BICC1: variants seen among roughly 807,000 people sequenced by gnomAD.
The protein encoded by BICC1 is BicC family RNA binding protein 1, also known as protein bicaudal C homolog 1.
BICC1 carries 43 observed loss-of-function variants against 111.0 expected under a neutral mutation model. The observed-to-expected ratio is 0.39, with a 90% CI of 0.30 to 0.50. The LOEUF (loss-of-function observed/expected upper bound fraction) is 0.50, where lower values mean the gene tolerates loss of function less well. BICC1 is among the 20% of genes least tolerant of loss of function. The pLI, the probability that BICC1 is intolerant of heterozygous loss-of-function variation, is 0.88. For synonymous variants in BICC1, 467 were observed against 434.4 expected, an observed-to-expected ratio of 1.07 and a Z score of -0.93; for missense variants, 1,091 against 1,203.2, an observed-to-expected ratio of 0.91 and a Z score of 1.38.
At chr10:58,743,018 A>T (rs1841718583) in intron 3 of BICC1, among the ~76,000 whole-genome samples, 1 of 152,212 alleles carries the variant, frequency 6.6e-6, no homozygotes, top group Non-Finnish European at 1.5e-5. Context: ...TAAAATAGTT[A>T]ATGTAAATTC....
intron 2 of BICC1, among the ~76,000 whole-genome samples, chr10:58,700,524 G>A (rs1275599399): frequency 6.6e-6 from 1 of 152,208 alleles, no homozygotes; most frequent in Non-Finnish European, 1.5e-5. Context: ...GGTGCTGTAG[G>A]ATTAAGGTAA....
At chr10:58,517,194 G>C (rs1842265184) in intron 1 of BICC1, among the ~76,000 whole-genome samples, 1 of 152,126 alleles carries the variant, frequency 6.6e-6, no homozygotes, top group African/African-American at 2.4e-5. Flanking sequence ...TGGGACCTGT[G>C]GTGGGGAGGA....
At chr10:58,516,480 C>T (rs1040386827) in intron 1 of BICC1, among the ~76,000 whole-genome samples, 1 of 125,326 alleles carries the variant, frequency 8.0e-6, no homozygotes, top group African/African-American at 3.5e-5. Context: ...AGGGAAATAT[C>T]ACTCTTTTTT....
intron 4 of BICC1, among the ~76,000 whole-genome samples, chr10:58,785,940 T>C (rs1842999697): frequency 6.6e-6 from 1 of 152,134 alleles, no homozygotes; most frequent in African/African-American, 2.4e-5. Context: ...TTTTCTTCGT[T>C]TTTAAAAAAA....
At chr10:58,538,800 T>C (rs1842888358) in intron 1 of BICC1, among the ~76,000 whole-genome samples, 1 of 151,736 alleles carries the variant, frequency 6.6e-6, no homozygotes, top group South Asian at 2.1e-4. Context: ...CAAAGGATGA[T>C]TTGCAAATGG....
At chr10:58,628,788 A>T (rs1837708346) in intron 2 of BICC1, among the ~76,000 whole-genome samples, 1 of 152,202 alleles carries the variant, frequency 6.6e-6, no homozygotes, top group Non-Finnish European at 1.5e-5. Context: ...TGAAGAATCG[A>T]CATTACTTGT....
At chr10:58,658,244 T>C (rs1164533827) in intron 2 of BICC1, among the ~76,000 whole-genome samples, 1 of 152,126 alleles carries the variant, frequency 6.6e-6, no homozygotes, top group Admixed American at 6.5e-5. Flanking sequence ...CTGGAGTGCA[T>C]TGGTGTGATC....
intron 3 of BICC1, among the ~76,000 whole-genome samples, chr10:58,750,080 G>A (rs10826232): frequency 0.62 from 93,656 of 151,992 alleles, 30,491 homozygotes; most frequent in East Asian, 0.9. Context: ...ATCTAGAGCA[G>A]TGTGAGGATA....
chr10:58,632,523 T>C (rs1837251185), intron 2 of BICC1, among the ~76,000 whole-genome samples: 1 of 151,724 alleles, frequency 6.6e-6, no homozygotes, highest in African/African-American at 2.4e-5. Flanking sequence ...TTTTTTCCCC[T>C]ATTCTGAGGA....
At position 58,689,043 on chromosome 10, in the gene BICC1, C is replaced by A. The variant is rs575539363; in HGVS notation, c.238-13031C>A. Among the ~76,000 whole-genome samples, 56 of 152,100 alleles carry A rather than the reference C, an allele frequency of 3.7e-4. 1 individual carries two copies. The Middle Eastern group carries it at 0.014, about 37-fold the overall frequency. On this transcript the variant is annotated intron_variant, in intron 2 of 20. Coordinates refer to ENST00000373886, the MANE Select transcript of BICC1 (RefSeq NM_001080512.3). The stretch of plus-strand genomic sequence containing the variant: ...TAAAGTATAATAACAACAACAACAA[C>A]AAAAAACAAGAAAACATGTATTAAG...
intron 2 of BICC1, among the ~76,000 whole-genome samples, chr10:58,634,817 A>T (rs528467346): frequency 2.0e-5 from 3 of 152,236 alleles, no homozygotes; most frequent in Non-Finnish European, 4.4e-5. Flanking sequence ...TATGTTATAT[A>T]TATGGTATAA....
chr10:58,538,855 A>G (rs943144782), intron 1 of BICC1, among the ~76,000 whole-genome samples: 26 of 152,002 alleles, frequency 1.7e-4, no homozygotes, highest in Non-Finnish European at 1.5e-4. Context: ...TCATCAGGGA[A>G]ATGCAAGTTA....
chr10:58,631,937 G>A (rs550431553), intron 2 of BICC1, among the ~76,000 whole-genome samples: 2 of 152,294 alleles, frequency 1.3e-5, no homozygotes, highest in Admixed American at 1.3e-4. Flanking sequence ...AATGATTCAT[G>A]TGTAAATCAG....
chr10:58,681,711 G>T (rs976982445), intron 2 of BICC1, among the ~76,000 whole-genome samples: 1 of 152,088 alleles, frequency 6.6e-6, no homozygotes. Flanking sequence ...GACCCTCGCG[G>T]TGAGTGTTTC....
intron 3 of BICC1, chr10:58,715,467 C>A: frequency 1.3e-6 from 1 of 760,224 alleles, no homozygotes; most frequent in Non-Finnish European, 2.3e-6. Context: ...AGTGGGGAGG[C>A]GGCAAGAGGA....
chr10:58,742,140 AAAGTAGGCAGTTTGAAAAC>A (rs1161308206), intron 3 of BICC1, among the ~76,000 whole-genome samples: 1 of 123,070 alleles, frequency 8.1e-6, no homozygotes, highest in Non-Finnish European at 1.7e-5. Flanking sequence ...TGAAACTGCC[AAAGTAGGCAGTTTGAAAAC>A]TTGTTTTTTT....
intron 2 of BICC1, among the ~76,000 whole-genome samples, chr10:58,677,334 T>C (rs1839376949): frequency 6.6e-6 from 1 of 152,128 alleles, no homozygotes; most frequent in African/African-American, 2.4e-5. Context: ...CTAACTAAAA[T>C]AATCAGTTTA....
Position 58,800,183 on chromosome 10 carries a change from T to G in BICC1, c.1726-11T>G. 6.4e-7 allele frequency: 1 copy of G among 1,563,846 alleles called. No homozygotes were observed. Among genetic ancestry groups the G allele is most frequent in the South Asian group, 1.1e-5 (1 of 87,682 alleles). On this transcript the variant is annotated splice_polypyrimidine_tract_variant and intron_variant, in intron 12 of 20. Coordinates refer to ENST00000373886, the MANE Select transcript of BICC1 (RefSeq NM_001080512.3). ...ACCATATTTATACATTATTTTCTAT[T>G]ATTATTTTAGTCTCCAGATATAAAA...
rs1483409271 is a variant in BICC1, at chr10:58,798,507, C to T, written c.1475C>T (p.Thr492Ile). Residue 492 changes from threonine to isoleucine, a missense_variant, in exon 11 of 21, where the codon ACA (threonine) becomes ATA (isoleucine). By Grantham distance (89) the Thr-to-Ile change is moderately conservative. Transcript: ENST00000373886. ...CCTTTGCAAAGTCCAAGTTCTGGTA[C>T]ACCCAGCCCCACATTATGGGCACCC... ...VSPLQSPSSGTPSPTLWAPPL... is the reference protein window; with the variant it reads ...VSPLQSPSSGIPSPTLWAPPL... 6.2e-7 allele frequency: 1 copy of T among 1,612,744 alleles called. No homozygotes were observed. The highest frequency in any genetic ancestry group is 8.5e-7 in the Non-Finnish European group (1 of 1,179,432).
Sources: gnomAD v4.1 joint callset for allele counts (sites outside exome capture counted in the v4.1 genomes callset) on GRCh38, gnomAD v4.1.1 for gene constraint, MANE v1.5 for transcripts, NCBI Gene and HGNC (gene_info 2026-07-23, HGNC 2026-07-21) for gene names.